The following IGF1 variants were observed in gnomAD, a reference collection of about 807,000 sequenced individuals.
IGF1 encodes insulin-like growth factor 1.
In IGF1, 4 loss-of-function variants were observed where a neutral mutation model predicts 13.8. The observed-to-expected ratio is 0.29, with a 90% CI of 0.14 to 0.66. The LOEUF is 0.66. Ranked by LOEUF, IGF1 falls within the 30% of genes least tolerant of loss-of-function variation. The pLI is 0.78. For synonymous variants in IGF1, 76 were observed against 72.6 expected, an observed-to-expected ratio of 1.05 and a Z score of -0.23; for missense variants, 124 against 188.5, an observed-to-expected ratio of 0.66 and a Z score of 2.00.
chr12:102,481,561 A>G (rs1443252705), upstream of IGF1: 2 of 152,174 alleles, frequency 1.3e-5, no homozygotes, highest in East Asian at 3.8e-4. Flanking sequence ...GCTATTTATA[A>G]TGTACACTTG....
intron 2 of IGF1, among the ~76,000 whole-genome samples, chr12:102,434,617 C>T (rs561620007): frequency 3.3e-5 from 5 of 151,606 alleles, no homozygotes; most frequent in Non-Finnish European, 7.4e-5. Context: ...CATACGTGTG[C>T]ATGTGTCTTT....
chr12:102,405,463 T>C (rs1182784960), intron 3 of IGF1, among the ~76,000 whole-genome samples: 1 of 152,092 alleles, frequency 6.6e-6, no homozygotes, highest in Non-Finnish European at 1.5e-5. Context: ...GCATCCCTAA[T>C]GTTCCCAAAC....
upstream of IGF1, among the ~76,000 whole-genome samples, chr12:102,480,830 C>T (rs1414059588): frequency 6.6e-6 from 1 of 152,180 alleles, no homozygotes; most frequent in Non-Finnish European, 1.5e-5. Context: ...AAATAAGGAT[C>T]TGTTTTCTGA....
Position 102,396,619 on chromosome 12 carries a change from A to G in IGF1, c.*5888T>C, listed in dbSNP as rs1873204389. ...GCATTTTGGGCAAAATAAAATGAGT[A>G]ATGTTTACTTTTAGGCCTCAGTAAT... On this transcript the variant is annotated 3_prime_UTR_variant, in exon 4 of 4. Transcript: ENST00000337514. 1 of 354,140 alleles carries G rather than the reference A, an allele frequency of 2.8e-6. No homozygotes were observed. Among genetic ancestry groups the G allele is most frequent in the South Asian group, 1.5e-4 (1 of 6,666 alleles). 21.9% of individuals were successfully genotyped at this position (354,140 alleles called of 1,614,324 possible).
chr12:102,411,846 G>C (rs1037156695), intron 3 of IGF1, among the ~76,000 whole-genome samples: 1 of 152,208 alleles, frequency 6.6e-6, no homozygotes, highest in African/African-American at 2.4e-5. Flanking sequence ...AATAGAGGAA[G>C]TTAGAGGCTA....
chr12:102,467,921 T>C (rs1458797081), intron 2 of IGF1, among the ~76,000 whole-genome samples: 1 of 152,242 alleles, frequency 6.6e-6, no homozygotes, highest in Non-Finnish European at 1.5e-5. Flanking sequence ...TAATTCTTAT[T>C]ATTATCATTT....
At chr12:102,433,124 TG>T (rs1416489360) in intron 2 of IGF1, among the ~76,000 whole-genome samples, 9 of 152,190 alleles carry the variant, frequency 5.9e-5, no homozygotes, top group Non-Finnish European at 1.2e-4. Flanking sequence ...TCTCCACCTT[TG>T]TTTGGGTCAT....
chr12:102,427,341 A>T (rs180972167), intron 2 of IGF1, among the ~76,000 whole-genome samples: 10 of 152,330 alleles, frequency 6.6e-5, no homozygotes, highest in Admixed American at 5.2e-4. Context: ...ATGTGGGAAG[A>T]GAGGCCTTGT....
rs764292014 is a variant in IGF1, at chr12:102,422,630, C to T, written c.221-2940G>A. Among the ~76,000 whole-genome samples the T allele has an allele frequency of 2.0e-5, 3 of 152,100 alleles. No homozygotes were observed. In the East Asian group the frequency reaches 5.8e-4, roughly 29 times the overall value. ...TGCTGCTATGGTCTACAGGTAGAGGCCTGATACAATGTAATTTATTAGAAA... is the reference window on the plus strand; with the variant it reads ...TGCTGCTATGGTCTACAGGTAGAGGTCTGATACAATGTAATTTATTAGAAA... On this transcript the variant is annotated intron_variant, in intron 2 of 3. Transcript: ENST00000337514.
At chr12:102,424,241 T>C (rs1220574750) in intron 2 of IGF1, among the ~76,000 whole-genome samples, 1 of 105,566 alleles carries the variant, frequency 9.5e-6, no homozygotes, top group Non-Finnish European at 2.3e-5. Context: ...GTTGATCCCT[T>C]TTTTTTTTTT....
chr12:102,424,581 T>A (rs1876033794), intron 2 of IGF1, among the ~76,000 whole-genome samples: 1 of 152,190 alleles, frequency 6.6e-6, no homozygotes, highest in African/African-American at 2.4e-5. Context: ...ATTCATTTGG[T>A]TTGCATTATT....
At chr12:102,481,200 G>A (rs1023977445), upstream of IGF1, among the ~76,000 whole-genome samples, 5 of 152,158 alleles carry the variant, frequency 3.3e-5, no homozygotes, top group African/African-American at 1.2e-4. Flanking sequence ...ATGCCGAGCT[G>A]TAAAACCCAA....
Position 102,399,107 on chromosome 12 carries a change from A to ATGTGTGTGTGTGTGTGTGTG in IGF1, c.*3380_*3399dup, listed in dbSNP as rs3032446. 1.7e-4 allele frequency: 23 copies of ATGTGTGTGTGTGTGTGTGTG among 137,796 alleles called. 1 individual carries two copies. The highest frequency in any genetic ancestry group is 5.4e-4 in the African/African-American group (20 of 37,012). 8.5% of individuals were successfully genotyped at this position (137,796 alleles called of 1,614,324 possible). A position where few individuals can be genotyped will look rare whatever the true frequency, so the allele number is the denominator to read the frequency against. ...GTATTCCATTGGATCCTTAGGGTGAATGTGTGTGTGTGTGTGTGTGTGTGT... is the reference window on the plus strand; with the variant it reads ...GTATTCCATTGGATCCTTAGGGTGAATGTGTGTGTGTGTGTGTGTGTGTGTGTGTGTGTGTGTGTGTGTGT... On this transcript the variant is annotated 3_prime_UTR_variant, in exon 4 of 4. Transcript: ENST00000337514.
chr12:102,419,537 C>T lies in IGF1; in HGVS notation c.374G>A (p.Arg125His), dbSNP rs761462868. 1.4e-5 allele frequency: 23 copies of T among 1,613,552 alleles called. No homozygotes were observed. The highest frequency in any genetic ancestry group is 2.7e-5 in the African/African-American group (2 of 74,980). The change falls in exon 3 of 4, where the codon CGC (arginine) becomes CAC (histidine). Residue 125 changes from arginine (R) to histidine (H), a missense_variant. This residue lies in a region of IGF1 where 99 missense variants were observed against 171.4 expected (regional missense o/e 0.58). Coordinates refer to ENST00000337514, the MANE Select transcript of IGF1 (RefSeq NM_000618.5). ...CTGGGTCTTGGGCATGTCGGTGTGG[C>T]GCTGGGCACGGACAGAGCGAGCTGA... Reference protein sequence around the residue: ...AKSARSVRAQRHTDMPKTQKE... With the variant: ...AKSARSVRAQHHTDMPKTQKE...
intron 2 of IGF1, among the ~76,000 whole-genome samples, chr12:102,427,746 C>T (rs1425157217): frequency 3.3e-5 from 5 of 152,164 alleles, no homozygotes; most frequent in African/African-American, 9.7e-5. Context: ...GGAAGACAGC[C>T]TCTACAGCAG....
At chr12:102,454,688 G>C (rs544020924) in intron 2 of IGF1, among the ~76,000 whole-genome samples, 1 of 152,214 alleles carries the variant, frequency 6.6e-6, no homozygotes, top group African/African-American at 2.4e-5. Flanking sequence ...AGCCAGTAGA[G>C]TTATCCAATG....
chr12:102,457,048 G>A (rs1879474786), intron 2 of IGF1, among the ~76,000 whole-genome samples: 1 of 152,168 alleles, frequency 6.6e-6, no homozygotes, highest in Admixed American at 6.6e-5. Context: ...CATTTGACAA[G>A]GGAGAGAATT....
chr12:102,481,514 G>T (rs1337586465), upstream of IGF1, among the ~76,000 whole-genome samples: 2 of 152,064 alleles, frequency 1.3e-5, no homozygotes, highest in Admixed American at 1.3e-4. Flanking sequence ...CCTCAACTGG[G>T]TGACTGGCCG....
chr12:102,433,076 C>T (rs892128741), intron 2 of IGF1, among the ~76,000 whole-genome samples: 1 of 152,116 alleles, frequency 6.6e-6, no homozygotes, highest in African/African-American at 2.4e-5. Context: ...GAACTCAGGT[C>T]CTCTCTGGAG....
Sources: gnomAD v4.1 joint callset for allele counts (sites outside exome capture counted in the v4.1 genomes callset) on GRCh38, gnomAD v4.1.1 for gene constraint, gnomAD v4.1.1 regional missense constraint, MANE v1.5 for transcripts, NCBI Gene and HGNC (gene_info 2026-07-23, HGNC 2026-07-21) for gene names.